The following CRYBG3 variants were observed in gnomAD, a reference collection of about 807,000 sequenced individuals.
CRYBG3 encodes the protein very large A-kinase anchor protein.
A neutral mutation model predicts 244.2 loss-of-function variants in CRYBG3; 127 were observed. That is an observed-to-expected ratio of 0.52 (90% CI 0.45 to 0.60). The LOEUF (loss-of-function observed/expected upper bound fraction) is 0.60. CRYBG3 is among the 20% of genes least tolerant of loss of function. CRYBG3 has a pLI of 0.00. For missense variants in CRYBG3, 3,325 were observed against 3,442.5 expected (o/e 0.97, Z 0.85); for synonymous variants, 1,132 against 1,195.8 (o/e 0.95, Z 1.10).
intron 7 of CRYBG3, among the ~76,000 whole-genome samples, chr3:97,883,242 A>G (rs777386531): frequency 3.9e-5 from 6 of 152,172 alleles, no homozygotes; most frequent in African/African-American, 1.4e-4. Flanking sequence ...GGAGAGAGCA[A>G]TGTCCATTTT....
chr3:97,875,049 G>C lies in CRYBG3; in HGVS notation c.3855G>C (p.Glu1285Asp), dbSNP rs1177906805. The C allele has an allele frequency of 6.5e-7, 1 of 1,534,172 alleles. No homozygotes were observed. Among genetic ancestry groups the C allele is most frequent in the Non-Finnish European group, 8.7e-7 (1 of 1,146,020 alleles). Residue 1285 changes from glutamate (E) to aspartate (D), a missense_variant, in exon 4 of 22, where the codon GAG becomes GAC. Glu to Asp is a conservative substitution (Grantham distance 45). Coordinates refer to ENST00000389622, the MANE Select transcript of CRYBG3 (RefSeq NM_153605.4). ...CCTGTGTTTCACCAACAGTTGGTGAGAAGAATCTTCTTGTTGATCCTAATA... is the reference window on the plus strand; with the variant it reads ...CCTGTGTTTCACCAACAGTTGGTGACAAGAATCTTCTTGTTGATCCTAATA... ...EKPCVSPTVGEKNLLVDPNSM... is the reference protein window; with the variant it reads ...EKPCVSPTVGDKNLLVDPNSM...
chr3:97,919,827 A>G (rs889253001), intron 17 of CRYBG3, among the ~76,000 whole-genome samples: 1 of 152,070 alleles, frequency 6.6e-6, no homozygotes, highest in African/African-American at 2.4e-5. Context: ...AAGGTACTCC[A>G]TTTTGCTTTG....
At chr3:97,835,566 GT>G (rs2038720925) in intron 1 of CRYBG3, among the ~76,000 whole-genome samples, 2 of 152,122 alleles carry the variant, frequency 1.3e-5, no homozygotes, top group Non-Finnish European at 2.9e-5. Flanking sequence ...TTAGTTCATA[GT>G]AAGGAGTTGA....
At chr3:97,933,879 G>A in intron 18 of CRYBG3, 46 bp downstream of exon 18, 1 of 1,574,964 alleles carries the variant, frequency 6.3e-7, no homozygotes, top group Non-Finnish European at 8.7e-7. Context: ...ACTGTTTTAA[G>A]ACAGAGTTGC....
At chr3:97,921,194 T>C (rs1053528382) in intron 17 of CRYBG3, among the ~76,000 whole-genome samples, 1 of 151,938 alleles carries the variant, frequency 6.6e-6, no homozygotes, top group Non-Finnish European at 1.5e-5. Flanking sequence ...AGATCTAATT[T>C]AAAGGACCTC....
intron 10 of CRYBG3, among the ~76,000 whole-genome samples, chr3:97,892,172 C>T (rs893428990): frequency 1.3e-5 from 2 of 152,140 alleles, no homozygotes; most frequent in Admixed American, 6.6e-5. Context: ...AGGCTCTGCT[C>T]TTATCTGCAG....
intron 15 of CRYBG3, among the ~76,000 whole-genome samples, chr3:97,901,686 A>G (rs1173852554): frequency 1.1e-4 from 16 of 152,170 alleles, no homozygotes. Flanking sequence ...CAAACTGCAC[A>G]TTTTTTGAGT....
intron 9 of CRYBG3, among the ~76,000 whole-genome samples, chr3:97,889,012 C>A (rs2108230554): frequency 6.6e-6 from 1 of 152,280 alleles, no homozygotes; most frequent in South Asian, 2.1e-4. Flanking sequence ...ACTAGCAATA[C>A]CACTTTTCTT....
chr3:97,864,360 C>CT lies in CRYBG3; in HGVS notation c.366dup (p.Gln123SerfsTer5), dbSNP rs1293699701. On this transcript the variant is annotated frameshift_variant, in exon 3 of 22. Transcript: ENST00000389622. LOFTEE classifies it high-confidence loss of function. ...AAAGTGACAGACAGCCAAAAGAAAGCTTTTTTCAGTTTCTTGGTAACTTAT... is the reference window on the plus strand; with the variant it reads ...AAAGTGACAGACAGCCAAAAGAAAGCTTTTTTTCAGTTTCTTGGTAACTTAT... 21 of 1,535,666 alleles carry CT rather than the reference C, an allele frequency of 1.4e-5. No homozygotes were observed. Among genetic ancestry groups the CT allele is most frequent in the Admixed American group, 2.0e-5 (1 of 50,922 alleles).
intron 2 of CRYBG3, among the ~76,000 whole-genome samples, chr3:97,856,979 G>A (rs2039074850): frequency 6.6e-6 from 1 of 152,004 alleles, no homozygotes; most frequent in Non-Finnish European, 1.5e-5. Flanking sequence ...GAGGTGTACT[G>A]TTAGGTTGTT....
At position 97,943,348 on chromosome 3, in the gene CRYBG3, G is replaced by A; in HGVS notation, c.*34G>A. On this transcript the variant is annotated 3_prime_UTR_variant, in exon 22 of 22. Coordinates refer to ENST00000389622, the MANE Select transcript of CRYBG3 (RefSeq NM_153605.4). ...ACATCCCTAGAAAGATCCCTAGAAA[G>A]AGCAAAGAAGGAAACACATCTGTCA... 3.3e-6 allele frequency: 4 copies of A among 1,217,412 alleles called. No individual in the cohort carries two copies. Among genetic ancestry groups the A allele is most frequent in the Non-Finnish European group, 4.8e-6 (4 of 826,248 alleles). 75.4% of individuals were successfully genotyped at this position (1,217,412 alleles called of 1,614,324 possible).
intron 2 of CRYBG3, among the ~76,000 whole-genome samples, chr3:97,854,589 GTA>G (rs1302267486): frequency 1.2e-4 from 16 of 138,862 alleles, no homozygotes; most frequent in African/African-American, 4.3e-4. Context: ...ATACTCCTAA[GTA>G]TTTTTTTTTT....
chr3:97,846,264 T>G (rs2038899474), intron 2 of CRYBG3, among the ~76,000 whole-genome samples: 1 of 152,212 alleles, frequency 6.6e-6, no homozygotes, highest in South Asian at 2.1e-4. Flanking sequence ...CATCCCTACC[T>G]CTGGCTACTT....
intron 1 of CRYBG3, among the ~76,000 whole-genome samples, chr3:97,840,932 C>G (rs1489038397): frequency 6.6e-6 from 1 of 151,334 alleles, no homozygotes; most frequent in East Asian, 1.9e-4. Context: ...CTTAAATAGA[C>G]CAAAATCAAT....
chr3:97,830,303 T>G (rs2038637850), intron 1 of CRYBG3, among the ~76,000 whole-genome samples: 1 of 152,142 alleles, frequency 6.6e-6, no homozygotes, highest in African/African-American at 2.4e-5. Context: ...TCTACATCAT[T>G]AAATCACATC....
In CRYBG3 at chr3:97,822,259, T is replaced by G; in HGVS notation, c.53T>G (p.Phe18Cys). Reference sequence around the variant, plus strand: ...GCCCCCTGGCACAGCTTCTCCCGGTTCTTCGCTCCCCGAAGTCCTTCCCGG... The same window carrying G: ...GCCCCCTGGCACAGCTTCTCCCGGTGCTTCGCTCCCCGAAGTCCTTCCCGG... The part of the protein sequence containing the change: ...GSAPWHSFSR[F>C]FAPRSPSRDK... Residue 18 changes from phenylalanine (F) to cysteine (C), a missense_variant, in exon 1 of 22, where the codon TTC (phenylalanine) becomes TGC (cysteine). Transcript: ENST00000389622. 1 of 1,530,696 alleles carries G rather than the reference T, an allele frequency of 6.5e-7. No homozygotes were observed. Among genetic ancestry groups the G allele is most frequent in the South Asian group, 1.2e-5 (1 of 83,358 alleles). The allele number at this position is 1,530,696 out of a possible 1,614,324, so 94.8% of individuals were successfully genotyped here.
Position 97,874,519 on chromosome 3 carries a change from T to A in CRYBG3, c.3325T>A (p.Tyr1109Asn). Residue 1109 changes from tyrosine (Y) to asparagine (N), a missense_variant, in exon 4 of 22, where the codon TAT (tyrosine) becomes AAT (asparagine). This residue lies in a region of CRYBG3 where 1,526 missense variants were observed against 1,443.2 expected (regional missense o/e 1.06). Transcript: ENST00000389622. ...TAACCTGTTGTACCCTACTACCTCT[T>A]ATTTGGAATTTGAAACGTCTGTCTC... ...VTNLLYPTTS[Y>N]LEFETSVSIG... The A allele has an allele frequency of 1.3e-6, 2 of 1,535,074 alleles. No homozygotes were observed. The highest frequency in any genetic ancestry group is 1.7e-6 in the Non-Finnish European group (2 of 1,146,500).
chr3:97,857,819 G>A (rs912096865), intron 2 of CRYBG3, among the ~76,000 whole-genome samples: 2 of 151,610 alleles, frequency 1.3e-5, no homozygotes, highest in African/African-American at 4.8e-5. Flanking sequence ...TTACATTTAC[G>A]GTTATTATTG....
chr3:97,922,467 A>G (rs1280358093), intron 17 of CRYBG3, among the ~76,000 whole-genome samples: 7 of 152,238 alleles, frequency 4.6e-5, no homozygotes, highest in Non-Finnish European at 7.3e-5. Flanking sequence ...TCCAGAATCT[A>G]CAAAGAACTC....
Sources: gnomAD v4.1 joint callset for allele counts (sites outside exome capture counted in the v4.1 genomes callset) on GRCh38, gnomAD v4.1.1 for gene constraint, gnomAD v4.1.1 regional missense constraint, MANE v1.5 for transcripts, NCBI Gene and HGNC (gene_info 2026-07-23, HGNC 2026-07-21) for gene names.